Variants in ALX1 observed in about 807,000 individuals in gnomAD.
The protein encoded by ALX1 is ALX homeobox protein 1.
In ALX1, 19 loss-of-function variants were observed where a neutral mutation model predicts 31.7. The ratio of observed to expected loss-of-function variants is 0.60; its 90% confidence interval spans 0.42 to 0.88. ALX1 has a LOEUF of 0.88. ALX1 is among the 40% of genes least tolerant of loss of function. The pLI is 0.00. For synonymous variants in ALX1, 153 were observed against 148.8 expected, an observed-to-expected ratio of 1.03 and a Z score of -0.20; for missense variants, 415 against 407.8, an observed-to-expected ratio of 1.02 and a Z score of -0.15.
chr12:85,280,911 AC>A (rs1896663085), intron 1 of ALX1, among the ~76,000 whole-genome samples: 1 of 151,562 alleles, frequency 6.6e-6, no homozygotes, highest in Non-Finnish European at 1.5e-5. Flanking sequence ...AGAGTACGTC[AC>A]TGTCGTCACG....
intron 3 of ALX1, among the ~76,000 whole-genome samples, chr12:85,298,542 A>G (rs909318029): frequency 6.6e-6 from 1 of 151,754 alleles, no homozygotes; most frequent in Non-Finnish European, 1.5e-5. Context: ...CTAAAGTCAA[A>G]TAAAGATTTG....
chr12:85,299,762 T>C (rs1036860784), intron 3 of ALX1, among the ~76,000 whole-genome samples: 2 of 151,908 alleles, frequency 1.3e-5, no homozygotes, highest in Non-Finnish European at 1.5e-5. Flanking sequence ...TTGCTCTTAT[T>C]TGAAAATTAG....
At chr12:85,290,162 G>A (rs1896799954) in intron 3 of ALX1, among the ~76,000 whole-genome samples, 1 of 151,136 alleles carries the variant, frequency 6.6e-6, no homozygotes, top group Admixed American at 6.6e-5. Flanking sequence ...TTTCTATATA[G>A]TAATTAATAC....
At chr12:85,301,021 G>T in intron 3 of ALX1, 134 bp from the exon 4 acceptor site, 1 of 834,504 alleles carries the variant, frequency 1.2e-6, no homozygotes, top group Non-Finnish European at 1.9e-6. Flanking sequence ...AGTCATTGTT[G>T]TATGTAATTA....
chr12:85,295,137 G>A (rs1896870232), intron 3 of ALX1, among the ~76,000 whole-genome samples: 1 of 151,054 alleles, frequency 6.6e-6, no homozygotes, highest in African/African-American at 2.4e-5. Flanking sequence ...ATTAATTCAA[G>A]TTGGGATCTT....
intron 3 of ALX1, among the ~76,000 whole-genome samples, chr12:85,289,415 C>T (rs1449248355): frequency 6.6e-6 from 1 of 151,040 alleles, no homozygotes; most frequent in African/African-American, 2.4e-5. Flanking sequence ...ACCTAGACAC[C>T]GATGGAGGAA....
At chr12:85,283,237 T>C (rs1330599096) in intron 1 of ALX1, among the ~76,000 whole-genome samples, 1 of 152,322 alleles carries the variant, frequency 6.6e-6, no homozygotes, top group Middle Eastern at 3.4e-3. Context: ...TCAAAAATCA[T>C]GGACACTTAA....
Position 85,301,205 on chromosome 12 carries a change from T to C in ALX1, c.711T>C (p.Thr237=), listed in dbSNP as rs766968422. ...AGNASGGSVV[T]SCMLPRDTSS... ...ATGCAAGTGGTGGTTCTGTGGTTAC[T>C]TCATGCATGTTACCACGTGACACTT... The change falls in exon 4 of 4, where the codon ACT becomes ACC. Residue 237 remains threonine, a synonymous_variant. Transcript: ENST00000316824. 1.2e-6 allele frequency: 2 copies of C among 1,614,034 alleles called. No homozygotes were observed. Among genetic ancestry groups the C allele is most frequent in the Non-Finnish European group, 1.7e-6 (2 of 1,179,948 alleles).
In ALX1 at chr12:85,286,994, A is replaced by G. The variant is rs1178141508; in HGVS notation, c.660+13A>G. ...CAGCTACCCACAGGTATGCTAAACT[A>G]CACAGAATACTGATCAAGAAAAGGA... On this transcript the variant is annotated intron_variant, in intron 3 of 3. Coordinates refer to ENST00000316824, the MANE Select transcript of ALX1 (RefSeq NM_006982.3). 4 of 1,611,384 alleles carry G rather than the reference A, an allele frequency of 2.5e-6. No individual in the cohort carries two copies. The highest frequency in any genetic ancestry group is 1.1e-5 in the South Asian group (1 of 91,008).
chr12:85,287,174 A>C (rs901225526), intron 3 of ALX1, among the ~76,000 whole-genome samples, 193 bp downstream of exon 3: 1 of 151,970 alleles, frequency 6.6e-6, no homozygotes, highest in South Asian at 2.1e-4. Context: ...TTACAGAGTC[A>C]TTCATTTAAA....
chr12:85,286,850 T>C lies in ALX1; in HGVS notation c.532-3T>C. The C allele has an allele frequency of 6.3e-7, 1 of 1,593,308 alleles. No homozygotes were observed. The highest frequency in any genetic ancestry group is 8.6e-7 in the Non-Finnish European group (1 of 1,167,796). On this transcript the variant is annotated splice_region_variant and splice_polypyrimidine_tract_variant and intron_variant, in intron 2 of 3. Coordinates refer to ENST00000316824, the MANE Select transcript of ALX1 (RefSeq NM_006982.3). ...AAAATTCTAATTTTTATTAAATAAT[T>C]AGGTTTGGTTTCAAAATCGAAGGGC...
chr12:85,283,317 A>G (rs530925330), intron 1 of ALX1, among the ~76,000 whole-genome samples: 1 of 152,340 alleles, frequency 6.6e-6, no homozygotes, highest in South Asian at 2.1e-4. Flanking sequence ...AAACATGTGC[A>G]TAAACTTATA....
chr12:85,301,205 T>G lies in ALX1; in HGVS notation c.711T>G (p.Thr237=). 6.2e-7 allele frequency: 1 copy of G among 1,614,034 alleles called. No homozygotes were observed. Among genetic ancestry groups the G allele is most frequent in the Middle Eastern group, 1.6e-4 (1 of 6,062 alleles). ...ATGCAAGTGGTGGTTCTGTGGTTACTTCATGCATGTTACCACGTGACACTT... is the reference window on the plus strand; with the variant it reads ...ATGCAAGTGGTGGTTCTGTGGTTACGTCATGCATGTTACCACGTGACACTT... ...AGNASGGSVV[T]SCMLPRDTSS... is the part of the protein sequence containing the mutation. Residue 237 remains threonine, a synonymous_variant, in exon 4 of 4, where the codon ACT becomes ACG. Coordinates refer to ENST00000316824, the MANE Select transcript of ALX1 (RefSeq NM_006982.3).
At chr12:85,290,251 A>C (rs770388372) in intron 3 of ALX1, among the ~76,000 whole-genome samples, 1 of 151,166 alleles carries the variant, frequency 6.6e-6, no homozygotes, top group Non-Finnish European at 1.5e-5. Context: ...AACAGTAAAA[A>C]TAATTACTAA....
chr12:85,280,326 T>C lies in ALX1; in HGVS notation c.65T>C (p.Met22Thr). The C allele has an allele frequency of 1.9e-6, 3 of 1,613,898 alleles. No individual in the cohort carries two copies. The South Asian group carries it at 3.3e-5, about 18-fold the overall frequency. The change falls in exon 1 of 4, where the codon ATG becomes ACG. Residue 22 changes from methionine to threonine, a missense_variant. Met to Thr is a moderately conservative substitution (Grantham distance 81, BLOSUM62 -1). Around this residue, in one of 3 missense-constraint regions of ALX1, gnomAD observed 235 missense variants for 208.9 expected, o/e 1.13. Transcript: ENST00000316824. ...CCGAGTAAAAACAGTGACTTTTACA[T>C]GGGCGCAGGAGGTCCTCTGGAGCAC... ...SPPSKNSDFY[M>T]GAGGPLEHVM...
chr12:85,287,352 C>T (rs1375460017), intron 3 of ALX1, among the ~76,000 whole-genome samples: 7 of 151,474 alleles, frequency 4.6e-5, no homozygotes, highest in Admixed American at 4.6e-4. Flanking sequence ...GCTTAGCATG[C>T]AATCTCTGTG....
chr12:85,295,094 A>G (rs1896869837), intron 3 of ALX1, among the ~76,000 whole-genome samples: 1 of 151,392 alleles, frequency 6.6e-6, no homozygotes, highest in Non-Finnish European at 1.5e-5. Context: ...GGCAGTACCT[A>G]AAAAATACTC....
At chr12:85,292,935 C>CT (rs1896837597) in intron 3 of ALX1, among the ~76,000 whole-genome samples, 1 of 149,664 alleles carries the variant, frequency 6.7e-6, no homozygotes, top group Admixed American at 6.7e-5. Flanking sequence ...AAACCAAAAT[C>CT]TTTTAAAAAT....
chr12:85,295,580 A>T (rs1000531801), intron 3 of ALX1, among the ~76,000 whole-genome samples: 1 of 151,566 alleles, frequency 6.6e-6, no homozygotes, highest in African/African-American at 2.4e-5. Flanking sequence ...TTAGATTTTC[A>T]TGTAAAGAGG....
Sources: allele counts gnomAD v4.1 joint callset (sites outside exome capture counted in the v4.1 genomes callset), GRCh38; gene constraint gnomAD v4.1.1; regional missense constraint gnomAD v4.1.1; transcripts MANE v1.5; gene names NCBI Gene and HGNC (gene_info 2026-07-23, HGNC 2026-07-21).